The following HLA-DPA1 variants were observed in gnomAD, a reference collection of about 807,000 sequenced individuals.
The protein encoded by HLA-DPA1 is HLA class II histocompatibility antigen, DP alpha 1 chain.
A neutral mutation model predicts 21.5 loss-of-function variants in HLA-DPA1; 20 were observed. That is an observed-to-expected ratio of 0.93 (90% CI 0.66 to 1.35). The LOEUF (loss-of-function observed/expected upper bound fraction) is 1.35, where lower values mean the gene tolerates loss of function less well. Among genes scored for constraint, HLA-DPA1 ranks in the 40% most tolerant of loss-of-function variants. HLA-DPA1 has a pLI of 0.00. For missense variants in HLA-DPA1, 279 were observed against 323.0 expected, an observed-to-expected ratio of 0.86 and a Z score of 1.05; for synonymous variants, 123 against 129.6, an observed-to-expected ratio of 0.95 and a Z score of 0.35.
exon 4 of HLA-DPA1, chr6:33,069,031 G>A (rs1251952919): frequency 5.6e-6 from 9 of 1,612,842 alleles, no homozygotes; most frequent in Non-Finnish European, 7.6e-6. Context: ...CAGTGCTTGA[G>A]GAGCGGCTGG....
intron 5 of HLA-DPA1, 125 bp from the exon 5 acceptor site, chr6:33,065,472 G>A (rs1465632953): frequency 6.6e-6 from 1 of 152,466 alleles, no homozygotes; most frequent in Non-Finnish European, 1.5e-5. Flanking sequence ...CAGGGAGAAG[G>A]TGGTCATCCC....
chr6:33,068,655 G>T, exon 5 of HLA-DPA1: 1 of 1,611,782 alleles, frequency 6.2e-7, no homozygotes, highest in South Asian at 1.1e-5. Flanking sequence ...GTATTTCACA[G>T]GGTCCCCTGG....
chr6:33,080,287 G>A lies in HLA-DPA1; in HGVS notation c.-100+393C>T. On this transcript the variant is annotated intron_variant, in intron 1 of 5. Coordinates refer to ENST00000419277, the Ensembl canonical transcript of HLA-DPA1. The surrounding 1 kb of genome is among the most constrained non-coding windows in gnomAD (Gnocchi z 4.3). ...GAAATGTCAGTCAGGGAGTTAAGTA[G>A]GGGGAGCAGCTCCGCCCTCCACGTC... 2.5e-6 allele frequency: 1 copy of A among 392,894 alleles called. No homozygotes were observed. Among genetic ancestry groups the A allele is most frequent in the South Asian group, 2.0e-5 (1 of 50,198 alleles). The allele number at this position is 392,894 out of a possible 1,614,324, so 24.3% of individuals were successfully genotyped here. A position where few individuals can be genotyped will look rare whatever the true frequency, so the allele number is the denominator to read the frequency against.
At chr6:33,076,237 G>A in intron 1 of HLA-DPA1, 1 of 823,672 alleles carries the variant, frequency 1.2e-6, no homozygotes, top group African/African-American at 1.7e-5. Context: ...ACAGGCTGCG[G>A]GGGCTCCTGC....
Position 33,071,555 on chromosome 6 carries a change from A to G in HLA-DPA1, c.101-1669T>C, listed in dbSNP as rs190550747. 1.8e-3 allele frequency among the ~76,000 whole-genome samples: 269 copies of G among 151,978 alleles called. 1 individual carries two copies. Among genetic ancestry groups the G allele is most frequent in the East Asian group, 0.017 (85 of 5,122 alleles). ...CATTTCCATTCAGACAAAAATATGT[A>G]TTAAAAGACTACTATATGTCAAACA... On this transcript the variant is annotated intron_variant, in intron 2 of 5. Coordinates refer to ENST00000419277, the Ensembl canonical transcript of HLA-DPA1.
At chr6:33,068,726 C>T in exon 5 of HLA-DPA1, 1 of 1,612,968 alleles carries the variant, frequency 6.2e-7, no homozygotes, top group African/African-American at 1.3e-5. Context: ...CACGATGATG[C>T]CGACTAGGCC....
At chr6:33,071,925 GT>G (rs1263595620) in intron 2 of HLA-DPA1, among the ~76,000 whole-genome samples, 1 of 152,186 alleles carries the variant, frequency 6.6e-6, no homozygotes, top group African/African-American at 2.4e-5. Context: ...TGGATTATGG[GT>G]GGTCTCAGGA....
chr6:33,067,328 A>C (rs535368789), intron 5 of HLA-DPA1: 1 of 152,124 alleles, frequency 6.6e-6, no homozygotes, highest in African/African-American at 2.4e-5. Flanking sequence ...TCTCCGGGTA[A>C]TGAGTGAGTT....
intron 1 of HLA-DPA1, among the ~76,000 whole-genome samples, chr6:33,076,538 C>T (rs1000357828): frequency 1.3e-5 from 2 of 152,188 alleles, no homozygotes; most frequent in Non-Finnish European, 2.9e-5. Flanking sequence ...AGTGTCCAGG[C>T]TCTGAGGATC....
chr6:33,069,299 A>T, exon 4 of HLA-DPA1: 1 of 1,611,400 alleles, frequency 6.2e-7, no homozygotes. Flanking sequence ...CCTCAGGGGG[A>T]TCTGGAAGGA....
rs139874555 is a variant in HLA-DPA1 at position 33,074,299 on chromosome 6, T to G, written c.-99-630A>C. On this transcript the variant is annotated intron_variant, in intron 1 of 5. Coordinates refer to ENST00000419277, the Ensembl canonical transcript of HLA-DPA1. Reference sequence around the variant, plus strand: ...TGGTATTTAAACAGTGTAATAACATTTTTATCTTTAAATTACTAGTCTTGT... The same window carrying G: ...TGGTATTTAAACAGTGTAATAACATGTTTATCTTTAAATTACTAGTCTTGT... Among the ~76,000 whole-genome samples, 543 of 152,268 alleles carry G rather than the reference T, an allele frequency of 3.6e-3. 3 individuals are homozygous for G. Among genetic ancestry groups the G allele is most frequent in the East Asian group, 0.026 (133 of 5,188 alleles).
intron 1 of HLA-DPA1, among the ~76,000 whole-genome samples, chr6:33,074,918 AT>A (rs1425178119): frequency 6.6e-6 from 1 of 152,056 alleles, no homozygotes; most frequent in East Asian, 1.9e-4. Flanking sequence ...CTACATAATT[AT>A]TTTCTTCTCT....
chr6:33,077,532 G>C (rs747058151), intron 1 of HLA-DPA1, among the ~76,000 whole-genome samples: 1 of 152,100 alleles, frequency 6.6e-6, no homozygotes, highest in Non-Finnish European at 1.5e-5. Flanking sequence ...TTAAAATGGC[G>C]ATCATTAAAA....
Position 33,077,294 on chromosome 6 carries a change from G to A in HLA-DPA1, c.-100+3386C>T, listed in dbSNP as rs562509699. ...ACAGTATTCCATGGTGTATATGTGT[G>A]CATTTTCTTAATCCAGTCTATCACT... On this transcript the variant is annotated intron_variant, in intron 1 of 5. Coordinates refer to ENST00000419277, the Ensembl canonical transcript of HLA-DPA1. Among the ~76,000 whole-genome samples, 559 of 152,176 alleles carry A rather than the reference G, an allele frequency of 3.7e-3. 5 individuals are homozygous for A. Among genetic ancestry groups the A allele is most frequent in the East Asian group, 0.029 (150 of 5,168 alleles).
Position 33,071,860 on chromosome 6 carries a change from A to G in HLA-DPA1, c.100+1611T>C, listed in dbSNP as rs113529345. 6.0e-3 allele frequency among the ~76,000 whole-genome samples: 915 copies of G among 152,336 alleles called. 3 individuals carry two copies. The highest frequency in any genetic ancestry group is 6.8e-3 in the Middle Eastern group (2 of 294). ...AAGATACTGAGTTTACTGTGGGGCT[A>G]TTGCACTTAGAAGACCTGAAAGTCA... On this transcript the variant is annotated intron_variant, in intron 2 of 5. Transcript: ENST00000419277.
chr6:33,073,861 T>C (rs1762411683), intron 1 of HLA-DPA1: 2 of 361,024 alleles, frequency 5.5e-6, no homozygotes, highest in African/African-American at 4.2e-5. Flanking sequence ...GAAAGAGATG[T>C]AAAAAGATAA....
chr6:33,068,514 T>C (rs1055216278), intron 5 of HLA-DPA1, 124 bp downstream of exon 4: 2 of 714,962 alleles, frequency 2.8e-6, no homozygotes, highest in Admixed American at 2.7e-5. Context: ...GTTATCGGTG[T>C]TGTTGTTGTT....
At chr6:33,068,156 C>T (rs1321053784) in intron 5 of HLA-DPA1, 1 of 152,566 alleles carries the variant, frequency 6.6e-6, no homozygotes, top group Non-Finnish European at 1.5e-5. Context: ...GCACCCACCA[C>T]ACTGTGTTGT....
chr6:33,076,457 G>A (rs1253089183), intron 1 of HLA-DPA1, among the ~76,000 whole-genome samples: 1 of 152,192 alleles, frequency 6.6e-6, no homozygotes, highest in African/African-American at 2.4e-5. Flanking sequence ...AAGTTGGCAA[G>A]TGCAGGCTCC....
Sources: allele counts gnomAD v4.1 joint callset (sites outside exome capture counted in the v4.1 genomes callset), GRCh38; gene constraint gnomAD v4.1.1; non-coding constraint Gnocchi (gnomAD v3.1); transcripts MANE v1.5; gene names NCBI Gene and HGNC (gene_info 2026-07-23, HGNC 2026-07-21).